ZNF407: variants seen among roughly 807,000 people sequenced by gnomAD.
ZNF407 encodes the protein zinc finger protein 407.
ZNF407 carries 17 observed loss-of-function variants against 131.2 expected under a neutral mutation model. The observed-to-expected ratio is 0.13, with a 90% confidence interval of 0.09 to 0.19. ZNF407 has a LOEUF of 0.19. Among genes scored for constraint, ZNF407 ranks in the 10% least tolerant of loss-of-function variants. The pLI is 1.00. For missense variants in ZNF407, 2,681 were observed against 2,830.6 expected, an observed-to-expected ratio of 0.95 and a Z score of 1.20; for synonymous variants, 1,156 against 1,062.0, an observed-to-expected ratio of 1.09 and a Z score of -1.72.
At chr18:74,707,772 A>G (rs1369457326) in intron 3 of ZNF407, among the ~76,000 whole-genome samples, 2 of 152,168 alleles carry the variant, frequency 1.3e-5, no homozygotes, top group African/African-American at 4.8e-5. Context: ...ATCTTTGTCT[A>G]CTTTTTTGAG....
chr18:74,874,258 T>G (rs1029824538), intron 4 of ZNF407, among the ~76,000 whole-genome samples: 8 of 152,216 alleles, frequency 5.3e-5, no homozygotes, highest in African/African-American at 1.9e-4. Context: ...GATTGTAATC[T>G]TTACATTATT....
intron 8 of ZNF407, among the ~76,000 whole-genome samples, chr18:74,948,123 T>C (rs1485278564): frequency 2.0e-5 from 3 of 152,356 alleles, no homozygotes; most frequent in Middle Eastern, 3.4e-3. Context: ...TTATAGAGGC[T>C]ACTATTCTGT....
intron 3 of ZNF407, among the ~76,000 whole-genome samples, chr18:74,753,841 G>A (rs1968864842): frequency 6.6e-6 from 1 of 152,102 alleles, no homozygotes; most frequent in Non-Finnish European, 1.5e-5. Context: ...TCTCTGCCAG[G>A]CTTTGATATC....
At chr18:74,866,527 G>T (rs1203504937) in intron 4 of ZNF407, among the ~76,000 whole-genome samples, 1 of 151,896 alleles carries the variant, frequency 6.6e-6, no homozygotes, top group Non-Finnish European at 1.5e-5. Context: ...TCTAAATCTA[G>T]CATATGTACT....
chr18:74,609,345 C>T (rs1982952650), intron 1 of ZNF407, among the ~76,000 whole-genome samples: 1 of 152,136 alleles, frequency 6.6e-6, no homozygotes, highest in Admixed American at 6.5e-5. Flanking sequence ...GATGGTGCAG[C>T]CTGCTACACA....
intron 3 of ZNF407, among the ~76,000 whole-genome samples, chr18:74,656,249 C>T (rs1985451223): frequency 6.6e-6 from 1 of 152,006 alleles, no homozygotes; most frequent in Non-Finnish European, 1.5e-5. Context: ...GGTTACTTTA[C>T]ATAAAAATAA....
chr18:74,944,078 C>T (rs952382094), intron 8 of ZNF407, among the ~76,000 whole-genome samples: 4 of 152,062 alleles, frequency 2.6e-5, no homozygotes, highest in African/African-American at 4.8e-5. Flanking sequence ...TCTAATTATA[C>T]GAGGCGCCTG....
intron 8 of ZNF407, among the ~76,000 whole-genome samples, chr18:74,972,226 C>A (rs1034009105): frequency 1.3e-5 from 2 of 152,210 alleles, no homozygotes; most frequent in African/African-American, 4.8e-5. Flanking sequence ...GGCCCACTCC[C>A]CTTCTCCTCC....
intron 7 of ZNF407, among the ~76,000 whole-genome samples, chr18:74,915,345 T>C (rs879632862): frequency 2.7e-5 from 4 of 149,194 alleles, no homozygotes; most frequent in African/African-American, 7.5e-5. Flanking sequence ...TGTGTGTGTG[T>C]GTGTGTGCAT....
At chr18:74,769,380 C>G (rs1463387782) in intron 3 of ZNF407, among the ~76,000 whole-genome samples, 1 of 151,440 alleles carries the variant, frequency 6.6e-6, no homozygotes, top group Non-Finnish European at 1.5e-5. Flanking sequence ...GTTGAGGTAG[C>G]TCTAGGCAAA....
intron 3 of ZNF407, among the ~76,000 whole-genome samples, chr18:74,740,284 C>G (rs1241234804): frequency 6.6e-6 from 1 of 152,194 alleles, no homozygotes; most frequent in Non-Finnish European, 1.5e-5. Flanking sequence ...CAGTCTGCCT[C>G]TCTGATAAGG....
chr18:74,964,723 T>C (rs1281823267), intron 8 of ZNF407, among the ~76,000 whole-genome samples: 1 of 152,192 alleles, frequency 6.6e-6, no homozygotes, highest in Non-Finnish European at 1.5e-5. Context: ...ATTTGCATTC[T>C]ACAAACAAAT....
chr18:74,707,194 G>A (rs1051599369), intron 3 of ZNF407, among the ~76,000 whole-genome samples: 10 of 152,058 alleles, frequency 6.6e-5, no homozygotes, highest in African/African-American at 2.4e-4. Context: ...CAAGTGATCC[G>A]CCCACGTCGG....
chr18:74,803,933 A>G (rs745520547), intron 4 of ZNF407: 9 of 1,549,508 alleles, frequency 5.8e-6, no homozygotes, highest in Middle Eastern at 3.3e-4. Flanking sequence ...ACATGAAGCA[A>G]TTTAACAAAC....
intron 3 of ZNF407, among the ~76,000 whole-genome samples, chr18:74,665,717 T>G (rs1170644207): frequency 2.0e-5 from 3 of 152,164 alleles, no homozygotes; most frequent in African/African-American, 7.2e-5. Flanking sequence ...AACTGACACC[T>G]GTGTACCCAC....
intron 4 of ZNF407, among the ~76,000 whole-genome samples, chr18:74,799,054 C>G (rs1969972667): frequency 6.6e-6 from 1 of 152,064 alleles, no homozygotes; most frequent in East Asian, 1.9e-4. Flanking sequence ...CTATTTCAGT[C>G]TATAAAACTT....
chr18:74,845,834 T>C (rs1970695386), intron 4 of ZNF407, among the ~76,000 whole-genome samples: 1 of 152,146 alleles, frequency 6.6e-6, no homozygotes, highest in Non-Finnish European at 1.5e-5. Flanking sequence ...TAATTGAAGA[T>C]TGAGATGAAT....
At position 74,676,249 on chromosome 18, in the gene ZNF407, G is replaced by A. The variant is rs527854913; in HGVS notation, c.4802+35127G>A. On this transcript the variant is annotated intron_variant, in intron 3 of 8. Transcript: ENST00000299687. The stretch of plus-strand genomic sequence containing the variant: ...TGGGATTACAGATGCATGCTGCCAC[G>A]CCCGGCTAATTTTTTGTGTTTTAGT... 4.0e-5 allele frequency among the ~76,000 whole-genome samples: 6 copies of A among 151,702 alleles called. No individual in the cohort carries two copies. The South Asian group carries it at 6.3e-4, about 16-fold the overall frequency.
At chr18:74,736,901 G>A (rs183098136) in intron 3 of ZNF407, among the ~76,000 whole-genome samples, 95 of 152,152 alleles carry the variant, frequency 6.2e-4, no homozygotes, top group African/African-American at 2.0e-3. Flanking sequence ...AATAGTCCAG[G>A]CTCCTAAAAG....
Sources: allele counts gnomAD v4.1 joint callset (sites outside exome capture counted in the v4.1 genomes callset), GRCh38; gene constraint gnomAD v4.1.1; transcripts MANE v1.5; gene names NCBI Gene and HGNC (gene_info 2026-07-23, HGNC 2026-07-21).